The following PRMT3 variants were observed in gnomAD, a reference collection of about 807,000 sequenced individuals.
PRMT3 encodes protein arginine methyltransferase 3.
PRMT3 carries 62 observed loss-of-function variants against 71.9 expected under a neutral mutation model. That is an observed-to-expected ratio of 0.86 (90% CI 0.70 to 1.07). PRMT3 has a LOEUF of 1.07. PRMT3 is among the 50% of genes least tolerant of loss of function. PRMT3 has a pLI of 0.00. For synonymous variants in PRMT3, 213 were observed against 220.4 expected (o/e 0.97, Z 0.30); for missense variants, 663 against 643.0 (o/e 1.03, Z -0.34).
intron 15 of PRMT3, among the ~76,000 whole-genome samples, chr11:20,496,939 C>A (rs905051965): frequency 7.2e-5 from 11 of 152,158 alleles, no homozygotes; most frequent in African/African-American, 2.2e-4. Flanking sequence ...AAAGCTTCAG[C>A]ACAGCAAAAG....
chr11:20,495,538 C>T (rs1851312376), intron 15 of PRMT3, among the ~76,000 whole-genome samples: 1 of 152,022 alleles, frequency 6.6e-6, no homozygotes, highest in Non-Finnish European at 1.5e-5. Context: ...TTATTGCATT[C>T]AAAATATATT....
In PRMT3 at chr11:20,470,517, G is replaced by A. The variant is rs956859229; in HGVS notation, c.1347+5971G>A. Reference sequence around the variant, plus strand: ...TTTCTGTTCCTGCATTCGTTTGCTCGGGATAACAGCTCTCAACTCCATCCA... The same window carrying A: ...TTTCTGTTCCTGCATTCGTTTGCTCAGGATAACAGCTCTCAACTCCATCCA... On this transcript the variant is annotated intron_variant, in intron 13 of 15. Transcript: ENST00000331079. Among the ~76,000 whole-genome samples, 12 of 152,050 alleles carry A rather than the reference G, an allele frequency of 7.9e-5. No individual in the cohort carries two copies. In the South Asian group the frequency reaches 8.3e-4, roughly 11 times the overall value.
intron 13 of PRMT3, among the ~76,000 whole-genome samples, chr11:20,483,426 A>T (rs1051881566): frequency 2.0e-5 from 3 of 152,108 alleles, no homozygotes; most frequent in African/African-American, 4.8e-5. Context: ...GCAGCACAAA[A>T]AATGGAATAT....
At chr11:20,483,554 CAAAAAAAAA>C (rs10583759) in intron 13 of PRMT3, among the ~76,000 whole-genome samples, 26 of 135,792 alleles carry the variant, frequency 1.9e-4, no homozygotes, top group African/African-American at 6.9e-4. Flanking sequence ...CAGAGATTGC[CAAAAAAAAA>C]AAAAAAAAAT....
chr11:20,480,372 A>G (rs1850901128), intron 13 of PRMT3, among the ~76,000 whole-genome samples: 1 of 152,140 alleles, frequency 6.6e-6, no homozygotes, highest in Admixed American at 6.5e-5. Flanking sequence ...TTGCTTGTAT[A>G]TAGTACTTCA....
At chr11:20,414,372 T>C (rs7478707) in intron 9 of PRMT3, among the ~76,000 whole-genome samples, 124,522 of 152,090 alleles carry the variant, frequency 0.82, 52,952 homozygotes, top group Non-Finnish European at 0.95. Flanking sequence ...TAAAACAATA[T>C]AGATTTTCTG....
At position 20,464,551 on chromosome 11, in the gene PRMT3, G is replaced by A; in HGVS notation, c.1347+5G>A. On this transcript the variant is annotated splice_donor_5th_base_variant and intron_variant, in intron 13 of 15. Transcript: ENST00000331079. ...ACAAGGACATCCATGTGCACGGTAAGCTATTTCATTCTGCTTTTACAAATT... is the reference window on the plus strand; with the variant it reads ...ACAAGGACATCCATGTGCACGGTAAACTATTTCATTCTGCTTTTACAAATT... The A allele has an allele frequency of 6.2e-7, 1 of 1,607,030 alleles. No homozygotes were observed. The highest frequency in any genetic ancestry group is 8.5e-7 in the Non-Finnish European group (1 of 1,177,900).
chr11:20,406,513 A>G (rs1849074587), intron 8 of PRMT3: 1 of 152,198 alleles, frequency 6.6e-6, no homozygotes, highest in African/African-American at 2.4e-5. Context: ...CATTTTACAT[A>G]TGTATGACAT....
At chr11:20,490,307 A>C (rs1242000070) in intron 13 of PRMT3, among the ~76,000 whole-genome samples, 1 of 152,188 alleles carries the variant, frequency 6.6e-6, no homozygotes, top group Non-Finnish European at 1.5e-5. Context: ...GCAATTTCAG[A>C]TATTTGTCAT....
At chr11:20,462,926 C>T (rs997525099) in intron 12 of PRMT3, among the ~76,000 whole-genome samples, 80 of 151,736 alleles carry the variant, frequency 5.3e-4, no homozygotes, top group African/African-American at 1.3e-3. Flanking sequence ...AGTGCAGTGG[C>T]GCAATCTCGG....
At chr11:20,396,041 G>A in intron 6 of PRMT3, 79 bp downstream of exon 6, 1 of 1,319,918 alleles carries the variant, frequency 7.6e-7, no homozygotes, top group Non-Finnish European at 1.0e-6. Flanking sequence ...GAATATAGTA[G>A]AACATTTCAT....
intron 10 of PRMT3, among the ~76,000 whole-genome samples, chr11:20,437,090 A>G (rs760866954): frequency 6.6e-6 from 1 of 152,086 alleles, no homozygotes; most frequent in African/African-American, 2.4e-5. Context: ...ATAAACATTT[A>G]TAATTCTATG....
At chr11:20,417,632 C>T (rs1849336216) in intron 9 of PRMT3, among the ~76,000 whole-genome samples, 1 of 152,132 alleles carries the variant, frequency 6.6e-6, no homozygotes, top group African/African-American at 2.4e-5. Context: ...TCTTCATTAT[C>T]TTTAAGTAAA....
intron 15 of PRMT3, among the ~76,000 whole-genome samples, chr11:20,502,030 G>A (rs559163704): frequency 5.3e-5 from 8 of 152,002 alleles, no homozygotes; most frequent in South Asian, 4.2e-4. Flanking sequence ...TCATTGCTCC[G>A]GAAGAAATTA....
chr11:20,406,721 TG>T (rs1438165597), intron 8 of PRMT3: 2 of 152,304 alleles, frequency 1.3e-5, no homozygotes, highest in East Asian at 3.9e-4. Flanking sequence ...GAGAAATCAC[TG>T]TGCTGTTTTT....
At chr11:20,403,078 A>T in intron 8 of PRMT3, 94 bp downstream of exon 8, 1 of 916,958 alleles carries the variant, frequency 1.1e-6, no homozygotes, top group Non-Finnish European at 1.7e-6. Flanking sequence ...CAATTGATTT[A>T]ACATCTTCTG....
chr11:20,506,713 G>T (rs1297737392), intron 15 of PRMT3, among the ~76,000 whole-genome samples: 1 of 152,066 alleles, frequency 6.6e-6, no homozygotes, highest in African/African-American at 2.4e-5. Context: ...TCATTATATG[G>T]AGCCTCATTG....
chr11:20,424,576 CATTTT>C lies in PRMT3; in HGVS notation c.894-2188_894-2184del, dbSNP rs567232793. The stretch of plus-strand genomic sequence containing the variant: ...GGGAAAATTAAATGAAAACTGAAAA[CATTTT>C]AGGAGAAAACATAGGTGAAGTATTT... On this transcript the variant is annotated intron_variant, in intron 9 of 15. Transcript: ENST00000331079. Among the ~76,000 whole-genome samples the C allele has an allele frequency of 7.1e-3, 1,073 of 152,190 alleles. 7 individuals carry two copies. The highest frequency in any genetic ancestry group is 0.013 in the Non-Finnish European group (862 of 68,016).
At chr11:20,457,020 C>T (rs948807803) in intron 11 of PRMT3, among the ~76,000 whole-genome samples, 1 of 152,038 alleles carries the variant, frequency 6.6e-6, no homozygotes. Flanking sequence ...ATTAGAGGCG[C>T]CCTGCCACCA....
Sources: allele counts gnomAD v4.1 joint callset (sites outside exome capture counted in the v4.1 genomes callset), GRCh38; gene constraint gnomAD v4.1.1; transcripts MANE v1.5; gene names NCBI Gene and HGNC (gene_info 2026-07-23, HGNC 2026-07-21).